Variants in OSBPL9 observed in about 807,000 individuals in gnomAD.
OSBPL9 encodes oxysterol-binding protein-related protein 9.
Under a neutral mutation model 106.6 loss-of-function variants are expected in OSBPL9, and 40 were observed. The observed-to-expected ratio is 0.38, with a 90% confidence interval of 0.29 to 0.49. The LOEUF (loss-of-function observed/expected upper bound fraction) is 0.49. OSBPL9 is among the 20% of genes least tolerant of loss of function. The pLI is 0.97. For missense variants in OSBPL9, 609 were observed against 887.2 expected (o/e 0.69, Z 3.98); for synonymous variants, 269 against 295.4 (o/e 0.91, Z 0.92).
At chr1:51,774,452 G>A (rs1200039462) in intron 14 of OSBPL9, among the ~76,000 whole-genome samples, 2 of 152,134 alleles carry the variant, frequency 1.3e-5, no homozygotes, top group Non-Finnish European at 2.9e-5. Flanking sequence ...GCATTCCAAA[G>A]TATTGTTACA....
In OSBPL9 at chr1:51,757,396, T is replaced by A. The variant is rs1469911101; in HGVS notation, c.582+1038T>A. ...TCTCTTCATGAGATACTATCGAAGA[T>A]TGTTAGCCTCATAGGAAAGGACTGT... On this transcript the variant is annotated intron_variant, in intron 9 of 23. Coordinates refer to ENST00000428468, the MANE Select transcript of OSBPL9 (RefSeq NM_024586.6). Among the ~76,000 whole-genome samples the A allele has an allele frequency of 2.6e-5, 4 of 152,012 alleles. No homozygotes were observed. The East Asian group carries it at 7.7e-4, about 29-fold the overall frequency.
At chr1:51,763,405 T>C (rs1282167569) in intron 11 of OSBPL9, among the ~76,000 whole-genome samples, 2 of 152,180 alleles carry the variant, frequency 1.3e-5, no homozygotes, top group African/African-American at 4.8e-5. Flanking sequence ...GTTTTAAAAT[T>C]AATTAAATGT....
At chr1:51,566,988 C>T in the OSBPL9 span, among the ~76,000 whole-genome samples, 1 of 152,220 alleles carries the variant, frequency 6.6e-6, no homozygotes, top group Non-Finnish European at 1.5e-5. Flanking sequence ...CTCCTGTGGG[C>T]TTTTCTAGGC....
chr1:51,704,383 C>G (rs1026680762), intron 3 of OSBPL9, among the ~76,000 whole-genome samples: 1 of 152,082 alleles, frequency 6.6e-6, no homozygotes, highest in Non-Finnish European at 1.5e-5. Context: ...GTGTATGTGT[C>G]GAGGAATTTA....
chr1:51,759,271 T>G (rs1038683320), intron 9 of OSBPL9, among the ~76,000 whole-genome samples: 1 of 152,132 alleles, frequency 6.6e-6, no homozygotes, highest in Admixed American at 6.6e-5. Context: ...TTAATGAGTT[T>G]TAGATATTCA....
At chr1:51,547,737 C>A in the OSBPL9 span, among the ~76,000 whole-genome samples, 1 of 152,000 alleles carries the variant, frequency 6.6e-6, no homozygotes, top group Non-Finnish European at 1.5e-5. Context: ...GTAGTCCCAG[C>A]TACTTGGGAG....
At chr1:51,562,724 T>C in the OSBPL9 span, among the ~76,000 whole-genome samples, 1 of 152,154 alleles carries the variant, frequency 6.6e-6, no homozygotes, top group Admixed American at 6.6e-5. Flanking sequence ...ATAAAGAAAA[T>C]GTAGCTTCTC....
At chr1:51,624,798 C>A (rs2148636017) in intron 1 of OSBPL9, among the ~76,000 whole-genome samples, 1 of 152,212 alleles carries the variant, frequency 6.6e-6, no homozygotes, top group African/African-American at 2.4e-5. Context: ...GGGCATTAAT[C>A]ATCTTACATC....
At chr1:51,650,480 C>T (rs1397732900) in intron 1 of OSBPL9, among the ~76,000 whole-genome samples, 1 of 152,128 alleles carries the variant, frequency 6.6e-6, no homozygotes, top group East Asian at 1.9e-4. Context: ...TGTTTTCTTT[C>T]ACTGTGTTAT....
chr1:51,578,462 A>G (rs1181027334), intron 1 of OSBPL9, among the ~76,000 whole-genome samples: 1 of 152,078 alleles, frequency 6.6e-6, no homozygotes, highest in Non-Finnish European at 1.5e-5. Context: ...AACTTTTCAC[A>G]TTTTTTCTCT....
rs547292057 is a variant in OSBPL9, at chr1:51,668,739, C to T, written c.163-695C>T. On this transcript the variant is annotated intron_variant, in intron 2 of 23. Transcript: ENST00000428468. ...GTTCCCCATTGTGTGTGCCTGCCCA[C>T]CCCCCAGTTTGGAGAGTTGTTTGTG... Among the ~76,000 whole-genome samples the T allele has an allele frequency of 4.8e-4, 73 of 151,482 alleles. 3 individuals are homozygous for T. In the South Asian group the frequency reaches 0.012, roughly 25 times the overall value.
intron 11 of OSBPL9, among the ~76,000 whole-genome samples, chr1:51,763,929 A>G (rs1240613090): frequency 6.6e-6 from 1 of 152,212 alleles, no homozygotes; most frequent in Non-Finnish European, 1.5e-5. Context: ...TGAGAAAGTG[A>G]GAAGCTCTTC....
At chr1:51,756,550 A>T in intron 9 of OSBPL9, 192 bp downstream of exon 9, 1 of 566,440 alleles carries the variant, frequency 1.8e-6, no homozygotes, top group African/African-American at 1.9e-5. Flanking sequence ...CAATCTTAAA[A>T]TTTTTCTAAG....
chr1:51,764,568 A>G (rs1449950712), intron 11 of OSBPL9, among the ~76,000 whole-genome samples: 1 of 151,594 alleles, frequency 6.6e-6, no homozygotes. Flanking sequence ...AAAAATCCGT[A>G]AGTGACTCTG....
At chr1:51,765,554 C>A in intron 11 of OSBPL9, 1 of 218,598 alleles carries the variant, frequency 4.6e-6, no homozygotes, top group Non-Finnish European at 8.9e-6. Flanking sequence ...AAAGGGCCCC[C>A]TTCCTAGTAT....
At chr1:51,716,178 G>A (rs1400097883) in intron 4 of OSBPL9, among the ~76,000 whole-genome samples, 1 of 152,132 alleles carries the variant, frequency 6.6e-6, no homozygotes, top group Non-Finnish European at 1.5e-5. Context: ...TAATACAAGA[G>A]GTTTTTTTCC....
At chr1:51,632,305 G>T (rs1445523467) in intron 1 of OSBPL9, among the ~76,000 whole-genome samples, 1 of 152,080 alleles carries the variant, frequency 6.6e-6, no homozygotes, top group Non-Finnish European at 1.5e-5. Context: ...GCATCATTAG[G>T]CAATAAGAAA....
chr1:51,760,808 C>T, intron 10 of OSBPL9, 28 bp downstream of exon 10: 1 of 1,607,178 alleles, frequency 6.2e-7, no homozygotes. Context: ...TTCTTAGATT[C>T]ATTGATGAGA....
the OSBPL9 span, among the ~76,000 whole-genome samples, chr1:51,548,089 A>G: frequency 6.6e-6 from 1 of 152,204 alleles, no homozygotes; most frequent in South Asian, 2.1e-4. Flanking sequence ...TACAATCATA[A>G]TTTTTAAAAA....
Sources: gnomAD v4.1 joint callset for allele counts (sites outside exome capture counted in the v4.1 genomes callset) on GRCh38, gnomAD v4.1.1 for gene constraint, MANE v1.5 for transcripts, NCBI Gene and HGNC (gene_info 2026-07-23, HGNC 2026-07-21) for gene names.